RGMA: variants seen among roughly 807,000 people sequenced by gnomAD.
RGMA encodes repulsive guidance molecule BMP co-receptor a.
Under a neutral mutation model 23.2 loss-of-function variants are expected in RGMA, and 10 were observed. The observed-to-expected ratio is 0.43, with a 90% CI of 0.27 to 0.73. RGMA has a LOEUF of 0.73. Among genes scored for constraint, RGMA ranks in the 30% least tolerant of loss-of-function variants. The probability of loss-of-function intolerance (pLI) is 0.20; values close to 1 mark genes in which losing one functional copy is unlikely to be tolerated. For missense variants in RGMA, 547 were observed against 630.5 expected (o/e 0.87, Z 1.42); for synonymous variants, 308 against 279.3 (o/e 1.10, Z -1.03).
chr15:93,089,038 G>A lies in RGMA; in HGVS notation c.-106C>T, dbSNP rs979824620. The A allele has an allele frequency of 4.4e-5, 28 of 633,050 alleles. No homozygotes were observed. Among genetic ancestry groups the A allele is most frequent in the South Asian group, 7.5e-5 (2 of 26,588 alleles). The allele number at this position is 633,050 out of a possible 1,614,324, so 39.2% of individuals were successfully genotyped here. ...GGGGCAAGGTGGGAGGGGCTCCGCTGGCGCTGGTCCCCGCCGCCCCGGCCG... is the reference window on the plus strand; with the variant it reads ...GGGGCAAGGTGGGAGGGGCTCCGCTAGCGCTGGTCCCCGCCGCCCCGGCCG... On this transcript the variant is annotated 5_prime_UTR_variant, in exon 1 of 4. Transcript: ENST00000329082.
chr15:93,062,585 C>A (rs1255243174), intron 2 of RGMA, among the ~76,000 whole-genome samples: 1 of 152,208 alleles, frequency 6.6e-6, no homozygotes, highest in African/African-American at 2.4e-5. Context: ...TGTCGCTCAG[C>A]TTCAAACCAC....
chr15:93,078,659 G>A (rs933790379), intron 1 of RGMA, among the ~76,000 whole-genome samples: 1 of 152,108 alleles, frequency 6.6e-6, no homozygotes, highest in Non-Finnish European at 1.5e-5. Context: ...AAAGCAGCCC[G>A]GCCTCTTGCG....
At chr15:93,085,855 G>C (rs1895627016) in intron 1 of RGMA, among the ~76,000 whole-genome samples, 1 of 152,156 alleles carries the variant, frequency 6.6e-6, no homozygotes, top group Admixed American at 6.5e-5. Flanking sequence ...AAGAAACTGG[G>C]TATCCTTTCA....
At position 93,039,727 on chromosome 15, in the gene RGMA, A is replaced by G. The variant is rs539199962; in HGVS notation, c.*5271T>C. On this transcript the variant is annotated 3_prime_UTR_variant, in exon 4 of 4. Transcript: ENST00000329082. ...ATGTCCCTGCAAAGGACATGAACTCATCCCTTTTTATGGCTGCATAGTACT... is the reference window on the plus strand; with the variant it reads ...ATGTCCCTGCAAAGGACATGAACTCGTCCCTTTTTATGGCTGCATAGTACT... 1 of 152,302 alleles carries G rather than the reference A, an allele frequency of 6.6e-6. No homozygotes were observed. Among genetic ancestry groups the G allele is most frequent in the Admixed American group, 6.5e-5 (1 of 15,296 alleles). The allele number at this position is 152,302 out of a possible 1,614,324, so 9.4% of individuals were successfully genotyped here.
chr15:93,055,682 A>T (rs1477831836), intron 2 of RGMA, among the ~76,000 whole-genome samples: 1 of 152,216 alleles, frequency 6.6e-6, no homozygotes, highest in African/African-American at 2.4e-5. Context: ...TGCTCCCAGG[A>T]GCAGGAGGCC....
At chr15:93,069,583 G>C (rs1042858143) in intron 2 of RGMA, among the ~76,000 whole-genome samples, 1 of 152,322 alleles carries the variant, frequency 6.6e-6, no homozygotes, top group Non-Finnish European at 1.5e-5. Context: ...AAGGAACAAA[G>C]AAAGTCTGGA....
intron 1 of RGMA, chr15:93,073,824 C>G (rs1470146977): frequency 4.6e-6 from 7 of 1,521,096 alleles, no homozygotes; most frequent in Non-Finnish European, 6.1e-6. Flanking sequence ...AGACTTGCCC[C>G]GGCTGCGCCC....
intron 1 of RGMA, chr15:93,073,650 T>C: frequency 6.5e-7 from 1 of 1,537,220 alleles, no homozygotes; most frequent in East Asian, 2.4e-5. Flanking sequence ...TGCAGGAGGC[T>C]GAAAAACCCA....
At chr15:93,066,515 T>C (rs2141832916) in intron 2 of RGMA, 1 of 493,860 alleles carries the variant, frequency 2.0e-6, no homozygotes, top group South Asian at 1.7e-5. Flanking sequence ...CCGAGGCGAC[T>C]CCGCCCCTGC....
chr15:93,045,101 G>A lies in RGMA; in HGVS notation c.1250C>T (p.Thr417Ile). The change falls in exon 4 of 4, where the codon ACT (threonine) becomes ATT (isoleucine). Residue 417 changes from threonine to isoleucine, a missense_variant. Thr to Ile is a moderately conservative substitution (Grantham distance 89). This residue lies in a region of RGMA where 205 missense variants were observed against 204.1 expected (regional missense o/e 1.00). Coordinates refer to ENST00000329082, the MANE Select transcript of RGMA (RefSeq NM_020211.3). The surrounding 1 kb of genome is among the most constrained non-coding windows in gnomAD (Gnocchi z 6.9). ...NKDKLHLYER[T>I]RDLPGRAAAG... ...AGCCGCCCTGCCTGGCAGGTCCCGA[G>A]TCCTCTCATACAGGTGCAGTTTGTC... 1 of 1,585,342 alleles carries A rather than the reference G, an allele frequency of 6.3e-7. No individual in the cohort carries two copies. The highest frequency in any genetic ancestry group is 2.3e-5 in the East Asian group (1 of 43,348).
intron 2 of RGMA, among the ~76,000 whole-genome samples, chr15:93,067,373 G>T (rs1199517174): frequency 2.6e-5 from 4 of 152,156 alleles, no homozygotes; most frequent in African/African-American, 9.7e-5. Context: ...GTAGTTCCCA[G>T]GACTATGTGG....
At chr15:93,060,382 G>C (rs978638828) in intron 2 of RGMA, among the ~76,000 whole-genome samples, 2 of 152,234 alleles carry the variant, frequency 1.3e-5, no homozygotes, top group African/African-American at 4.8e-5. Flanking sequence ...GGGCAAAAAG[G>C]AGAATCCAGA....
At chr15:93,083,725 A>G (rs1033455277) in intron 1 of RGMA, among the ~76,000 whole-genome samples, 3 of 152,234 alleles carry the variant, frequency 2.0e-5, no homozygotes, top group Non-Finnish European at 4.4e-5. Context: ...AACTCACAGG[A>G]GCCTCATGTT....
chr15:93,052,317 C>T lies in RGMA; in HGVS notation c.321G>A (p.Glu107=), dbSNP rs1157912663. Reference sequence around the variant, plus strand: ...AGCAGTTGTGCTGGCTCATGAGGTCCTCTATGCCATGGACGGCCGAGTGGT... The same window carrying T: ...AGCAGTTGTGCTGGCTCATGAGGTCTTCTATGCCATGGACGGCCGAGTGGT... The part of the protein sequence containing the change: ...LAYHSAVHGI[E]DLMSQHNCSK... The change falls in exon 3 of 4, where the codon GAG becomes GAA. Residue 107 remains glutamate, a synonymous_variant. Transcript: ENST00000329082. The T allele has an allele frequency of 5.6e-6, 9 of 1,604,356 alleles. No individual in the cohort carries two copies. The highest frequency in any genetic ancestry group is 1.1e-5 in the South Asian group (1 of 91,002).
intron 1 of RGMA, among the ~76,000 whole-genome samples, chr15:93,075,734 G>A (rs138120215): frequency 4.6e-5 from 7 of 152,308 alleles, no homozygotes; most frequent in Non-Finnish European, 8.8e-5. Flanking sequence ...TGTCCCTGCC[G>A]GGAGACGGGT....
rs567917338 is a variant in RGMA at position 93,054,747 on chromosome 15, C to G, written c.131-2240G>C. Among the ~76,000 whole-genome samples the G allele has an allele frequency of 2.3e-4, 35 of 152,318 alleles. No homozygotes were observed. The East Asian group carries it at 6.6e-3, about 29-fold the overall frequency. On this transcript the variant is annotated intron_variant, in intron 2 of 3. Coordinates refer to ENST00000329082, the MANE Select transcript of RGMA (RefSeq NM_020211.3). ...TGCTGTGGTAGATACGTGGGGGGCA[C>G]TGGTGAGATGCCCCCATGTAGTCTT... is the stretch of plus-strand genomic sequence containing the variant.
At chr15:93,048,521 G>A (rs542724881) in intron 3 of RGMA, among the ~76,000 whole-genome samples, 8 of 152,202 alleles carry the variant, frequency 5.3e-5, no homozygotes, top group African/African-American at 1.4e-4. Flanking sequence ...CTTGAGGACC[G>A]GACTCGATTT....
chr15:93,079,360 C>T (rs537842540), intron 1 of RGMA, among the ~76,000 whole-genome samples: 112 of 152,340 alleles, frequency 7.4e-4, no homozygotes, highest in African/African-American at 2.6e-3. Context: ...GTTTCTCCCT[C>T]GTCTCCAGGC....
rs889603008 is a variant in RGMA at position 93,041,990 on chromosome 15, C to T, written c.*3008G>A. ...CCATACTGGTCAACATGGTGAAACA[C>T]CATCTCTACTAAAATACAAAAAATT... On this transcript the variant is annotated 3_prime_UTR_variant, in exon 4 of 4. Transcript: ENST00000329082. 3.9e-5 allele frequency: 6 copies of T among 152,272 alleles called. No individual in the cohort carries two copies. The highest frequency in any genetic ancestry group is 6.5e-5 in the Admixed American group (1 of 15,286). 9.4% of individuals were successfully genotyped at this position (152,272 alleles called of 1,614,324 possible).
Sources: allele counts gnomAD v4.1 joint callset (sites outside exome capture counted in the v4.1 genomes callset), GRCh38; gene constraint gnomAD v4.1.1; regional missense constraint gnomAD v4.1.1; non-coding constraint Gnocchi (gnomAD v3.1); transcripts MANE v1.5; gene names NCBI Gene and HGNC (gene_info 2026-07-23, HGNC 2026-07-21).